The following SLC35F1 variants were observed in gnomAD, a reference collection of about 807,000 sequenced individuals.
SLC35F1 encodes solute carrier family 35 member F1, also known as chromosome 6 open reading frame 169.
SLC35F1 carries 14 observed loss-of-function variants against 48.7 expected under a neutral mutation model. That is an observed-to-expected ratio of 0.29 (90% confidence interval 0.19 to 0.45). The LOEUF (loss-of-function observed/expected upper bound fraction) is 0.45, where lower values mean the gene tolerates loss of function less well. Among genes scored for constraint, SLC35F1 ranks in the 20% least tolerant of loss-of-function variants. SLC35F1 has a pLI of 1.00. For synonymous variants in SLC35F1, 190 were observed against 202.2 expected, an observed-to-expected ratio of 0.94 and a Z score of 0.51; for missense variants, 404 against 500.0, an observed-to-expected ratio of 0.81 and a Z score of 1.83.
At chr6:118,233,821 T>A (rs1284314493) in intron 2 of SLC35F1, among the ~76,000 whole-genome samples, 1 of 152,174 alleles carries the variant, frequency 6.6e-6, no homozygotes, top group Non-Finnish European at 1.5e-5. Flanking sequence ...GGAGCGCAGT[T>A]CCCTGATACA....
At chr6:118,291,341 T>TG (rs11371597) in intron 7 of SLC35F1, among the ~76,000 whole-genome samples, 99,528 of 151,308 alleles carry the variant, frequency 0.66, 33,231 homozygotes, top group Middle Eastern at 0.76. Flanking sequence ...GGAAGATACA[T>TG]AAAAAAAGTC....
At chr6:118,283,256 C>T (rs1367438788) in intron 6 of SLC35F1, among the ~76,000 whole-genome samples, 1 of 152,184 alleles carries the variant, frequency 6.6e-6, no homozygotes, top group Non-Finnish European at 1.5e-5. Flanking sequence ...TCCTTCAGCA[C>T]TCGAGGTAAA....
intron 1 of SLC35F1, among the ~76,000 whole-genome samples, chr6:118,096,467 T>C (rs1407473019): frequency 2.0e-5 from 3 of 152,234 alleles, no homozygotes; most frequent in Non-Finnish European, 4.4e-5. Flanking sequence ...TAAATAATCA[T>C]AGTTCTCTTG....
chr6:118,166,083 G>T (rs1474402366), intron 2 of SLC35F1, among the ~76,000 whole-genome samples: 3 of 151,982 alleles, frequency 2.0e-5, no homozygotes, highest in African/African-American at 7.3e-5. Flanking sequence ...CCCATTTTTA[G>T]GCAAGATAAG....
chr6:118,036,136 A>T (rs966492404), intron 1 of SLC35F1, among the ~76,000 whole-genome samples: 7 of 151,996 alleles, frequency 4.6e-5, no homozygotes, highest in African/African-American at 1.7e-4. Context: ...ACTTCAGGTT[A>T]TTGGGGTTTT....
At chr6:117,921,988 A>C (rs1582562787) in intron 1 of SLC35F1, among the ~76,000 whole-genome samples, 4 of 152,320 alleles carry the variant, frequency 2.6e-5, no homozygotes. Flanking sequence ...TTCTTAGCCA[A>C]ATTGTCATCT....
At chr6:118,017,801 A>G (rs994176297) in intron 1 of SLC35F1, among the ~76,000 whole-genome samples, 1 of 152,204 alleles carries the variant, frequency 6.6e-6, no homozygotes, top group Non-Finnish European at 1.5e-5. Context: ...AGAATAGTTA[A>G]TGGCAAGTTG....
chr6:118,034,802 T>C (rs904581631), intron 1 of SLC35F1, among the ~76,000 whole-genome samples: 32 of 152,178 alleles, frequency 2.1e-4, no homozygotes, highest in African/African-American at 7.7e-4. Context: ...CAGGGATTCA[T>C]AGTAATAGGG....
chr6:118,032,276 A>T (rs9401049), intron 1 of SLC35F1, among the ~76,000 whole-genome samples: 26,355 of 152,164 alleles, frequency 0.17, 2,643 homozygotes, highest in East Asian at 0.3. Context: ...ATGAGGGTGG[A>T]CATGGAAGGC....
chr6:118,119,499 C>CCT (rs369096592), intron 1 of SLC35F1, among the ~76,000 whole-genome samples: 1 of 74,562 alleles, frequency 1.3e-5, no homozygotes, highest in Non-Finnish European at 2.5e-5. Flanking sequence ...CCGGCGCCCC[C>CCT]CCTCCACCCC....
At chr6:118,164,400 G>A (rs747462137) in intron 2 of SLC35F1, among the ~76,000 whole-genome samples, 1 of 152,086 alleles carries the variant, frequency 6.6e-6, no homozygotes, top group Non-Finnish European at 1.5e-5. Flanking sequence ...TACTACTTAA[G>A]TCAACTAAAT....
intron 1 of SLC35F1, among the ~76,000 whole-genome samples, chr6:118,071,854 T>A (rs1341572582): frequency 1.3e-5 from 2 of 152,220 alleles, no homozygotes; most frequent in Non-Finnish European, 2.9e-5. Context: ...AAGTGTCTCA[T>A]ATGTTTTGTC....
chr6:118,249,833 G>C (rs531956157), intron 3 of SLC35F1, among the ~76,000 whole-genome samples: 2 of 152,212 alleles, frequency 1.3e-5, no homozygotes, highest in East Asian at 3.9e-4. Flanking sequence ...GACCATGACT[G>C]GGCATTTCCT....
At chr6:118,000,860 G>T in intron 1 of SLC35F1, among the ~76,000 whole-genome samples, 1 of 152,118 alleles carries the variant, frequency 6.6e-6, no homozygotes, top group Non-Finnish European at 1.5e-5. Context: ...TTGCTTCAAA[G>T]AGAATAAAAT....
At chr6:118,156,242 A>G (rs949039381) in intron 2 of SLC35F1, among the ~76,000 whole-genome samples, 1 of 152,162 alleles carries the variant, frequency 6.6e-6, no homozygotes, top group African/African-American at 2.4e-5. Flanking sequence ...CAAAAAAAAA[A>G]AGCATGAAAC....
chr6:118,061,909 C>T (rs1772546637), intron 1 of SLC35F1, among the ~76,000 whole-genome samples: 10 of 152,130 alleles, frequency 6.6e-5, no homozygotes, highest in Admixed American at 6.5e-4. Context: ...GGTGGAAAAG[C>T]TCACTTGCCT....
chr6:118,065,487 A>T (rs1029773174), intron 1 of SLC35F1, among the ~76,000 whole-genome samples: 1 of 152,186 alleles, frequency 6.6e-6, no homozygotes, highest in East Asian at 1.9e-4. Context: ...GGATATCCCA[A>T]TTACCCTGAC....
intron 1 of SLC35F1, among the ~76,000 whole-genome samples, chr6:118,026,286 G>A (rs1771942125): frequency 6.6e-6 from 1 of 152,180 alleles, no homozygotes; most frequent in African/African-American, 2.4e-5. Context: ...AGAACACAGT[G>A]AGGAGGACTT....
intron 1 of SLC35F1, among the ~76,000 whole-genome samples, chr6:117,960,687 G>C (rs895136083): frequency 3.9e-5 from 6 of 152,088 alleles, no homozygotes; most frequent in African/African-American, 1.4e-4. Flanking sequence ...TGTATTCTCT[G>C]CAGAAGGAAA....
Sources: allele counts gnomAD v4.1 joint callset (sites outside exome capture counted in the v4.1 genomes callset), GRCh38; gene constraint gnomAD v4.1.1; transcripts MANE v1.5; gene names NCBI Gene and HGNC (gene_info 2026-07-23, HGNC 2026-07-21).